LRRC8D: variants seen among roughly 807,000 people sequenced by gnomAD.
The protein encoded by LRRC8D is leucine rich repeat containing 8 VRAC subunit D, also known as volume-regulated anion channel subunit LRRC8D.
In LRRC8D, 20 loss-of-function variants were observed where a neutral mutation model predicts 55.8. That is an observed-to-expected ratio of 0.36 (90% CI 0.25 to 0.52). The LOEUF is 0.52. Ranked by LOEUF, LRRC8D falls within the 20% of genes least tolerant of loss-of-function variation. The pLI, the probability that LRRC8D is intolerant of heterozygous loss-of-function variation, is 0.93. For missense variants in LRRC8D, 651 were observed against 1,030.8 expected (o/e 0.63, Z 5.05); for synonymous variants, 352 against 377.0 (o/e 0.93, Z 0.77).
At chr1:89,844,158 G>T (rs1193860601) in intron 2 of LRRC8D, among the ~76,000 whole-genome samples, 1 of 152,174 alleles carries the variant, frequency 6.6e-6, no homozygotes, top group Non-Finnish European at 1.5e-5. Flanking sequence ...TCCCTTACTG[G>T]TCTGGGGTCA....
chr1:89,866,712 A>G (rs1348384244), intron 2 of LRRC8D, among the ~76,000 whole-genome samples: 1 of 152,108 alleles, frequency 6.6e-6, no homozygotes, highest in Admixed American at 6.5e-5. Flanking sequence ...AAGGCCCGAT[A>G]GGCTCTCTGT....
At chr1:89,847,183 A>G (rs7542239) in intron 2 of LRRC8D, among the ~76,000 whole-genome samples, 34,235 of 152,250 alleles carry the variant, frequency 0.22, 4,760 homozygotes, top group East Asian at 0.38. Context: ...ATGTTGCACC[A>G]TTAACTAAAC....
chr1:89,824,538 G>A (rs1660719894), intron 1 of LRRC8D, among the ~76,000 whole-genome samples: 1 of 152,132 alleles, frequency 6.6e-6, no homozygotes, highest in Non-Finnish European at 1.5e-5. Context: ...CTGAAGACAG[G>A]TTATTACACC....
At chr1:89,835,886 C>T (rs1392662239) in intron 1 of LRRC8D, among the ~76,000 whole-genome samples, 2 of 152,126 alleles carry the variant, frequency 1.3e-5, no homozygotes, top group South Asian at 2.1e-4. Flanking sequence ...GAGGGCTTCA[C>T]CTTAAAAAAT....
intron 2 of LRRC8D, among the ~76,000 whole-genome samples, chr1:89,918,419 C>T (rs1465546299): frequency 1.3e-5 from 2 of 152,190 alleles, no homozygotes; most frequent in Admixed American, 6.5e-5. Flanking sequence ...ATTTCTGCCT[C>T]CATGGTCCAT....
intron 2 of LRRC8D, among the ~76,000 whole-genome samples, chr1:89,863,792 T>C (rs189673068): frequency 8.3e-4 from 127 of 152,322 alleles, no homozygotes; most frequent in African/African-American, 2.8e-3. Context: ...GATTTTAAAA[T>C]TGCTTTGTTC....
chr1:89,874,459 G>A (rs932327428), intron 2 of LRRC8D, among the ~76,000 whole-genome samples: 2 of 151,630 alleles, frequency 1.3e-5, no homozygotes, highest in African/African-American at 4.9e-5. Flanking sequence ...GTGTGTGTGT[G>A]TGTGTGTGTG....
intron 2 of LRRC8D, among the ~76,000 whole-genome samples, chr1:89,878,152 G>A (rs1662193775): frequency 6.6e-6 from 1 of 152,152 alleles, no homozygotes; most frequent in African/African-American, 2.4e-5. Context: ...CCATAGACTT[G>A]CAGTGGATAA....
intron 1 of LRRC8D, among the ~76,000 whole-genome samples, chr1:89,825,268 T>C (rs1660736936): frequency 6.6e-6 from 1 of 152,234 alleles, no homozygotes; most frequent in African/African-American, 2.4e-5. Flanking sequence ...TAGGGCTAAT[T>C]AGCCCTTATT....
chr1:89,873,223 C>A (rs1273861477), intron 2 of LRRC8D, among the ~76,000 whole-genome samples: 1 of 152,196 alleles, frequency 6.6e-6, no homozygotes, highest in African/African-American at 2.4e-5. Context: ...AACTCAACAA[C>A]CCCTCAAAGC....
At chr1:89,848,872 G>A (rs1427080804) in intron 2 of LRRC8D, among the ~76,000 whole-genome samples, 1 of 152,010 alleles carries the variant, frequency 6.6e-6, no homozygotes, top group Non-Finnish European at 1.5e-5. Flanking sequence ...CTAATTTTTT[G>A]TATTTTTAGT....
chr1:89,851,717 G>A (rs945122242), intron 2 of LRRC8D, among the ~76,000 whole-genome samples: 2 of 151,774 alleles, frequency 1.3e-5, no homozygotes, highest in African/African-American at 4.8e-5. Context: ...ACCATGTTGC[G>A]CAGGCTGGTC....
At chr1:89,925,697 C>A (rs976570759) in intron 2 of LRRC8D, among the ~76,000 whole-genome samples, 2 of 152,214 alleles carry the variant, frequency 1.3e-5, no homozygotes, top group African/African-American at 4.8e-5. Context: ...TGAAAAGCTA[C>A]TTTTGTTTTC....
At chr1:89,928,515 G>C (rs1663623283) in intron 2 of LRRC8D, among the ~76,000 whole-genome samples, 1 of 152,156 alleles carries the variant, frequency 6.6e-6, no homozygotes, top group South Asian at 2.1e-4. Flanking sequence ...ACTTCTGGTG[G>C]GGGGTGGCAG....
At chr1:89,873,194 A>T (rs1662064771) in intron 2 of LRRC8D, among the ~76,000 whole-genome samples, 1 of 152,164 alleles carries the variant, frequency 6.6e-6, no homozygotes, top group South Asian at 2.1e-4. Flanking sequence ...TCTTTGAAAA[A>T]TTTGACCCCC....
chr1:89,871,403 C>T (rs1662002457), intron 2 of LRRC8D, among the ~76,000 whole-genome samples: 5 of 152,154 alleles, frequency 3.3e-5, no homozygotes, highest in Admixed American at 3.3e-4. Flanking sequence ...TTGGTAACCG[C>T]CTGCGCATAG....
intron 2 of LRRC8D, among the ~76,000 whole-genome samples, chr1:89,888,670 G>C (rs72716340): frequency 0.12 from 18,711 of 152,152 alleles, 1,278 homozygotes; most frequent in South Asian, 0.16. Context: ...ATTCTAGAGC[G>C]GGGGCAGGGA....
At chr1:89,883,660 A>G (rs1662338299) in intron 2 of LRRC8D, among the ~76,000 whole-genome samples, 1 of 152,170 alleles carries the variant, frequency 6.6e-6, no homozygotes, top group Non-Finnish European at 1.5e-5. Flanking sequence ...TAGGTGGGGA[A>G]ACCAGAAAGA....
Position 89,935,527 on chromosome 1 carries a change from GTCGGATGC to G in LRRC8D, c.2462_2469del (p.Arg821GlnfsTer13). The G allele has an allele frequency of 6.2e-7, 1 of 1,614,236 alleles. No individual in the cohort carries two copies. Among genetic ancestry groups the G allele is most frequent in the Non-Finnish European group, 8.5e-7 (1 of 1,180,044 alleles). On this transcript the variant is annotated frameshift_variant, in exon 3 of 3. Coordinates refer to ENST00000337338, the MANE Select transcript of LRRC8D (RefSeq NM_001134479.2). LOFTEE classifies it high-confidence loss of function. ...CGCCTGCCAGCCCAGCTGGGCCAGT[GTCGGATGC>G]TCAAGAAAAGCGGGCTTGTTGTGGA...
Sources: gnomAD v4.1 joint callset for allele counts (sites outside exome capture counted in the v4.1 genomes callset) on GRCh38, gnomAD v4.1.1 for gene constraint, MANE v1.5 for transcripts, NCBI Gene and HGNC (gene_info 2026-07-23, HGNC 2026-07-21) for gene names.